Variants in RNF213 observed in about 807,000 individuals in gnomAD.
The protein encoded by RNF213 is ring finger protein 213, also known as E3 ubiquitin-protein ligase RNF213.
In RNF213, 341 loss-of-function variants were observed where a neutral mutation model predicts 514.4. The ratio of observed to expected loss-of-function variants is 0.66; its 90% CI spans 0.61 to 0.73. RNF213 has a LOEUF of 0.73. Ranked by LOEUF, RNF213 falls within the 30% of genes least tolerant of loss-of-function variation. The probability of loss-of-function intolerance (pLI) is 0.00; values close to 1 mark genes in which losing one functional copy is unlikely to be tolerated. For missense variants in RNF213, 5,767 were observed against 6,615.6 expected, an observed-to-expected ratio of 0.87 and a Z score of 4.45; for synonymous variants, 2,655 against 2,658.2, an observed-to-expected ratio of 1.00 and a Z score of 0.04.
At chr17:80,349,695 C>T in intron 29 of RNF213, 75 bp from the exon 30 acceptor site, 1 of 1,490,546 alleles carries the variant, frequency 6.7e-7, no homozygotes, top group East Asian at 2.3e-5. Flanking sequence ...TTTCTAGGAT[C>T]TGTCTAAACC....
In RNF213 at chr17:80,339,623, C is replaced by T. The variant is rs374458508; in HGVS notation, c.5256C>T (p.Ala1752=). 110 of 1,537,206 alleles carry T rather than the reference C, an allele frequency of 7.2e-5. No individual in the cohort carries two copies. The African/African-American group carries it at 1.1e-3, about 15-fold the overall frequency. ...CCTCTGTGGGGTGTGGGAGTGAGGC[C>T]GCCAGGTACCGCATGAGGAGAGTCA... The part of the protein sequence containing the change: ...LRASVGCGSE[A]ARYRMRRVME... Residue 1752 remains alanine (A), a synonymous_variant, in exon 26 of 68, where the codon GCC becomes GCT. Coordinates refer to ENST00000582970, the MANE Select transcript of RNF213 (RefSeq NM_001256071.3).
intron 18 of RNF213, among the ~76,000 whole-genome samples, chr17:80,327,166 A>T (rs2046301549): frequency 6.6e-6 from 1 of 152,206 alleles, no homozygotes. Context: ...TTCCTAGGGC[A>T]GGGGCTTTTT....
In RNF213 at chr17:80,347,632, G is replaced by A. The variant is rs2078356824; in HGVS notation, c.9297G>A (p.Met3099Ile). The A allele has an allele frequency of 6.2e-7, 1 of 1,614,122 alleles. No homozygotes were observed. ...AGATCTGCATGGAAACAGGCAAGAT[G>A]GTGTTGCTTCTCAACCTGCAGAACC... ...RVKICMETGK[M>I]VLLLNLQNLY... The change falls in exon 29 of 68, where the codon ATG becomes ATA. Residue 3099 changes from methionine to isoleucine, a missense_variant. Met to Ile is a conservative substitution (Grantham distance 10). Around this residue, in one of 13 missense-constraint regions of RNF213, gnomAD observed 919 missense variants for 1,121.0 expected, o/e 0.82. Coordinates refer to ENST00000582970, the MANE Select transcript of RNF213 (RefSeq NM_001256071.3). The surrounding 1 kb of genome is among the most constrained non-coding windows in gnomAD (Gnocchi z 7.2).
At chr17:80,305,802 T>C (rs893675093) in intron 11 of RNF213, among the ~76,000 whole-genome samples, 2 of 151,890 alleles carry the variant, frequency 1.3e-5, no homozygotes, top group Admixed American at 1.3e-4. Context: ...GTATTTTTAG[T>C]AGAGACGCAG....
chr17:80,334,429 A>G, intron 22 of RNF213, 159 bp downstream of exon 22: 1 of 732,898 alleles, frequency 1.4e-6, no homozygotes, highest in Non-Finnish European at 2.2e-6. Context: ...ATGGGCACTG[A>G]TCATAGAGTT....
At chr17:80,283,130 C>T (rs1301239029) in intron 3 of RNF213, among the ~76,000 whole-genome samples, 3 of 152,046 alleles carry the variant, frequency 2.0e-5, no homozygotes, top group Non-Finnish European at 2.9e-5. Context: ...TTATGTAGTT[C>T]GAGATTCTGG....
intron 14 of RNF213, among the ~76,000 whole-genome samples, chr17:80,312,478 G>A (rs1461904495): frequency 2.8e-5 from 4 of 140,780 alleles, no homozygotes; most frequent in Non-Finnish European, 6.2e-5. Flanking sequence ...GGCAGGGGGA[G>A]GGCATGATGG....
At chr17:80,286,499 G>A (rs1218126361) in intron 3 of RNF213, among the ~76,000 whole-genome samples, 2 of 152,138 alleles carry the variant, frequency 1.3e-5, no homozygotes, top group East Asian at 3.8e-4. Context: ...GGGTGGGTGG[G>A]AACGCAGCCT....
intron 13 of RNF213, among the ~76,000 whole-genome samples, chr17:80,308,749 T>A (rs1425962805): frequency 6.6e-6 from 1 of 152,206 alleles, no homozygotes; most frequent in Non-Finnish European, 1.5e-5. Flanking sequence ...TTGCCTTTTT[T>A]CACATCTTGG....
intron 17 of RNF213, 65 bp downstream of exon 17, chr17:80,319,377 T>G: frequency 3.7e-6 from 6 of 1,614,202 alleles, no homozygotes; most frequent in Non-Finnish European, 5.1e-6. Context: ...ATGACCCAGC[T>G]AAGGGCTATG....
chr17:80,388,752 G>A (rs960081544), intron 64 of RNF213, 63 bp downstream of exon 64: 19 of 1,254,392 alleles, frequency 1.5e-5, no homozygotes, highest in Admixed American at 5.0e-5. Flanking sequence ...GTTTCCCTCC[G>A]TGTTAGGCCT....
intron 49 of RNF213, among the ~76,000 whole-genome samples, chr17:80,373,403 A>G (rs2079605679): frequency 6.6e-6 from 1 of 151,368 alleles, no homozygotes; most frequent in African/African-American, 2.4e-5. Context: ...CCCCAGAGCC[A>G]GGAAGGAAAC....
intron 29 of RNF213, among the ~76,000 whole-genome samples, chr17:80,349,131 C>T (rs1365744808): frequency 6.6e-6 from 1 of 152,164 alleles, no homozygotes; most frequent in African/African-American, 2.4e-5. Flanking sequence ...GGGGCGACCC[C>T]CTGGATTCCT....
At position 80,383,870 on chromosome 17, in the gene RNF213, T is replaced by C. The variant is rs775185701; in HGVS notation, c.14264T>C (p.Ile4755Thr). ...ATTACAGTTGAGTACCTCCAGCACA[T>C]TGTGGAACAGAAAAATGGCAAAGAA... is the stretch of plus-strand genomic sequence containing the variant. ...KRITVEYLQHIVEQKNGKERV... is the reference protein window; with the variant it reads ...KRITVEYLQHTVEQKNGKERV... The change falls in exon 59 of 68, where the codon ATT becomes ACT. Residue 4755 changes from isoleucine (I) to threonine (T), a missense_variant. Coordinates refer to ENST00000582970, the MANE Select transcript of RNF213 (RefSeq NM_001256071.3). 10 of 1,614,050 alleles carry C rather than the reference T, an allele frequency of 6.2e-6. No homozygotes were observed. The highest frequency in any genetic ancestry group is 1.7e-5 in the Admixed American group (1 of 60,000).
chr17:80,299,725 C>G (rs376174162), intron 11 of RNF213, among the ~76,000 whole-genome samples: 2 of 152,094 alleles, frequency 1.3e-5, no homozygotes, highest in African/African-American at 4.8e-5. Context: ...ATCCTCCACC[C>G]TCTGATAAGC....
chr17:80,300,195 C>T (rs941466029), intron 11 of RNF213, among the ~76,000 whole-genome samples: 1 of 152,198 alleles, frequency 6.6e-6, no homozygotes, highest in Non-Finnish European at 1.5e-5. Context: ...TTCTCCGCAA[C>T]CTCACCAGCA....
intron 1 of RNF213, among the ~76,000 whole-genome samples, chr17:80,261,520 C>T (rs1321831407): frequency 6.6e-6 from 1 of 152,188 alleles, no homozygotes; most frequent in Non-Finnish European, 1.5e-5. Context: ...GGGGAAGGAG[C>T]TGTGCAAACA....
chr17:80,377,273 A>C lies in RNF213; in HGVS notation c.13510+310A>C. ...GGGAACCACATCAGAGACGCATTCA[A>C]AGGCCCACCACAAAACAAAGTTTTT... is the stretch of plus-strand genomic sequence containing the variant. On this transcript the variant is annotated intron_variant, in intron 53 of 67. Transcript: ENST00000582970. This position sits in a 1 kb window ranked among gnomAD's most constrained non-coding sequence, Gnocchi z 4.1. The C allele has an allele frequency of 2.3e-6, 1 of 440,820 alleles. No homozygotes were observed. The highest frequency in any genetic ancestry group is 4.2e-6 in the Non-Finnish European group (1 of 240,146). The allele number at this position is 440,820 out of a possible 1,614,324, so 27.3% of individuals were successfully genotyped here.
Position 80,353,812 on chromosome 17 carries a change from G to T in RNF213, c.10578+146G>T. ...CGCCCCACTTTCCTCACACAGTGAC[G>T]GTCTTGTTGCTGGTTACTGGGGGTC... On this transcript the variant is annotated intron_variant, in intron 34 of 67. Transcript: ENST00000582970. The surrounding 1 kb of genome is among the most constrained non-coding windows in gnomAD (Gnocchi z 5.0). 7.8e-7 allele frequency: 1 copy of T among 1,275,410 alleles called. No homozygotes were observed. Among genetic ancestry groups the T allele is most frequent in the East Asian group, 2.4e-5 (1 of 42,196 alleles). The allele number at this position is 1,275,410 out of a possible 1,614,324, so 79.0% of individuals were successfully genotyped here. A position where few individuals can be genotyped will look rare whatever the true frequency, so the allele number is the denominator to read the frequency against.
Sources: allele counts gnomAD v4.1 joint callset (sites outside exome capture counted in the v4.1 genomes callset), GRCh38; gene constraint gnomAD v4.1.1; regional missense constraint gnomAD v4.1.1; non-coding constraint Gnocchi (gnomAD v3.1); transcripts MANE v1.5; gene names NCBI Gene and HGNC (gene_info 2026-07-23, HGNC 2026-07-21).